The following PRDX5 variants were observed in gnomAD, a reference collection of about 807,000 sequenced individuals.
PRDX5 encodes the protein peroxiredoxin 5.
PRDX5 carries 21 observed loss-of-function variants against 23.8 expected under a neutral mutation model. The observed-to-expected ratio is 0.88, with a 90% CI of 0.63 to 1.27. The LOEUF (loss-of-function observed/expected upper bound fraction) is 1.27. Among genes scored for constraint, PRDX5 ranks in the 50% most tolerant of loss-of-function variants. The pLI, the probability that PRDX5 is intolerant of heterozygous loss-of-function variation, is 0.00. For synonymous variants in PRDX5, 111 were observed against 113.3 expected, an observed-to-expected ratio of 0.98 and a Z score of 0.13; for missense variants, 261 against 270.6, an observed-to-expected ratio of 0.96 and a Z score of 0.25.
chr11:64,318,564 C>T (rs1407403343), intron 1 of PRDX5, among the ~76,000 whole-genome samples, 178 bp downstream of exon 1: 1 of 152,112 alleles, frequency 6.6e-6, no homozygotes, highest in African/African-American at 2.4e-5. Context: ...TCGTGGGGGC[C>T]TCACCTCCCG....
chr11:64,319,700 C>T, intron 1 of PRDX5, 34 bp from the exon 2 acceptor site: 1 of 1,598,734 alleles, frequency 6.3e-7, no homozygotes, highest in Non-Finnish European at 8.5e-7. Flanking sequence ...CCCCGGCTCC[C>T]TCACCCCCCT....
chr11:64,319,468 C>T (rs1430847908), intron 1 of PRDX5, among the ~76,000 whole-genome samples: 1 of 152,212 alleles, frequency 6.6e-6, no homozygotes, highest in African/African-American at 2.4e-5. Flanking sequence ...CAACCCTTTG[C>T]GACACATGGG....
Position 64,320,809 on chromosome 11 carries a change from G to T in PRDX5, c.438+17G>T. The T allele has an allele frequency of 2.5e-6, 4 of 1,614,210 alleles. No individual in the cohort carries two copies. Among genetic ancestry groups the T allele is most frequent in the Non-Finnish European group, 3.4e-6 (4 of 1,180,032 alleles). On this transcript the variant is annotated intron_variant, in intron 3 of 5. Coordinates refer to ENST00000265462, the MANE Select transcript of PRDX5 (RefSeq NM_012094.5). ...GAAGGCAAGGTGAGGTGAGGGGCCT[G>T]CAGGGAGTCAGGACCAGGTAGGATA...
At position 64,318,229 on chromosome 11, in the gene PRDX5, G is replaced by A. The variant is rs754924766; in HGVS notation, c.14G>A (p.Gly5Asp). 1.2e-6 allele frequency: 2 copies of A among 1,611,696 alleles called. No homozygotes were observed. The highest frequency in any genetic ancestry group is 1.3e-5 in the African/African-American group (1 of 74,878). Residue 5 changes from glycine to aspartate, a missense_variant, in exon 1 of 6, where the codon GGC (glycine) becomes GAC (aspartate). Gly to Asp is a moderately conservative substitution (Grantham distance 94). Coordinates refer to ENST00000265462, the MANE Select transcript of PRDX5 (RefSeq NM_012094.5). Reference sequence around the variant, plus strand: ...CGTGGGGCGGGTATGGGACTAGCTGGCGTGTGCGCCCTGAGACGCTCAGCG... The same window carrying A: ...CGTGGGGCGGGTATGGGACTAGCTGACGTGTGCGCCCTGAGACGCTCAGCG... Reference protein sequence around the residue: MGLAGVCALRRSAGY... With the variant: MGLADVCALRRSAGY...
At position 64,321,683 on chromosome 11, in the gene PRDX5, C is replaced by T. The variant is rs1302477041; in HGVS notation, c.637C>T (p.Gln213Ter). The T allele has an allele frequency of 6.3e-7, 1 of 1,578,218 alleles. No homozygotes were observed. The highest frequency in any genetic ancestry group is 1.8e-5 in the Admixed American group (1 of 54,088). ...TCSLAPNIIS[Q>*]L ...CAGCCTGGCACCCAATATCATCTCACAGCTCTGAGGCCCTGGGCCAGATTA... is the reference window on the plus strand; with the variant it reads ...CAGCCTGGCACCCAATATCATCTCATAGCTCTGAGGCCCTGGGCCAGATTA... Residue 213 changes from glutamine to a stop codon, truncating the protein, a stop_gained, in exon 6 of 6, where the codon CAG becomes TAG. Coordinates refer to ENST00000265462, the MANE Select transcript of PRDX5 (RefSeq NM_012094.5). LOFTEE classifies it high-confidence loss of function.
chr11:64,319,681 T>C, intron 1 of PRDX5, 53 bp from the exon 2 acceptor site: 4 of 1,570,220 alleles, frequency 2.5e-6, no homozygotes, highest in Non-Finnish European at 3.5e-6. Flanking sequence ...CCTTCCTGCC[T>C]CTGGTTTGCC....
chr11:64,320,876 G>C lies in PRDX5; in HGVS notation c.450G>C (p.Leu150=), dbSNP rs773923432. 6.2e-7 allele frequency: 1 copy of C among 1,614,222 alleles called. No homozygotes were observed. The highest frequency in any genetic ancestry group is 1.1e-5 in the South Asian group (1 of 91,082). ...TACTTTCTCTGCAGGTTCGGCTCCTGGCTGATCCCACTGGGGCCTTTGGGA... is the reference window on the plus strand; with the variant it reads ...TACTTTCTCTGCAGGTTCGGCTCCTCGCTGATCCCACTGGGGCCTTTGGGA... ...AHKAEGKVRL[L]ADPTGAFGKE... is the part of the protein sequence containing the mutation. The change falls in exon 4 of 6, where the codon CTG becomes CTC. Residue 150 remains leucine (L), a synonymous_variant. Transcript: ENST00000265462.
At chr11:64,320,536 T>C in intron 2 of PRDX5, 125 bp from the exon 3 acceptor site, 1 of 1,385,530 alleles carries the variant, frequency 7.2e-7, no homozygotes, top group Non-Finnish European at 9.7e-7. Flanking sequence ...TAGAATGGTT[T>C]AGACAGCTCT....
In PRDX5 at chr11:64,318,230, C is replaced by G. The variant is rs202108463; in HGVS notation, c.15C>G (p.Gly5=). Residue 5 remains glycine, a synonymous_variant, in exon 1 of 6, where the codon GGC becomes GGG. Coordinates refer to ENST00000265462, the MANE Select transcript of PRDX5 (RefSeq NM_012094.5). ...GTGGGGCGGGTATGGGACTAGCTGG[C>G]GTGTGCGCCCTGAGACGCTCAGCGG... MGLA[G]VCALRRSAGY... 1.7e-5 allele frequency: 28 copies of G among 1,611,746 alleles called. 1 individual carries two copies. In the Admixed American group the frequency reaches 3.5e-4, roughly 20 times the overall value.
chr11:64,321,415 C>T, intron 5 of PRDX5, among the ~76,000 whole-genome samples, 171 bp from the exon 6 acceptor site: 1 of 144,796 alleles, frequency 6.9e-6, no homozygotes, highest in Non-Finnish European at 1.5e-5. Flanking sequence ...TGGGGAGAGT[C>T]CTCTGTGTGG....
rs761493610 is a variant in PRDX5 at position 64,321,071 on chromosome 11, A to G, written c.539+3A>G. 2.5e-6 allele frequency: 4 copies of G among 1,612,738 alleles called. No homozygotes were observed. Among genetic ancestry groups the G allele is most frequent in the Non-Finnish European group, 3.4e-6 (4 of 1,179,222 alleles). Reference sequence around the variant, plus strand: ...TTTGGGAATCGACGTCTCAAGAGGTAAAAGTGGAGAGTCCTCTGTGGAGAG... The same window carrying G: ...TTTGGGAATCGACGTCTCAAGAGGTGAAAGTGGAGAGTCCTCTGTGGAGAG... On this transcript the variant is annotated splice_donor_region_variant and intron_variant, in intron 5 of 5. Transcript: ENST00000265462.
intron 5 of PRDX5, among the ~76,000 whole-genome samples, chr11:64,321,290 GGGAGAGTCCTCTGTGT>G (rs1426567973): frequency 6.6e-6 from 1 of 151,210 alleles, no homozygotes; most frequent in Admixed American, 6.6e-5. Context: ...GTCCTCTGTG[GGGAGAGTCCTCTGTGT>G]GGAGAGAGTC....
chr11:64,321,497 T>C, intron 5 of PRDX5, 89 bp from the exon 6 acceptor site: 1 of 1,552,144 alleles, frequency 6.4e-7, no homozygotes, highest in Non-Finnish European at 8.7e-7. Context: ...TCTGGAGTTC[T>C]CTTGGGCCCC....
At chr11:64,319,651 G>A in intron 1 of PRDX5, 83 bp from the exon 2 acceptor site, 1 of 1,500,868 alleles carries the variant, frequency 6.7e-7, no homozygotes. Flanking sequence ...TGCAGGCACA[G>A]CTGCCAGGCT....
At position 64,318,138 on chromosome 11, in the gene PRDX5, C is replaced by G. The variant is rs1016607893; in HGVS notation, c.-78C>G. The stretch of plus-strand genomic sequence containing the variant: ...AGGCCCGCCTTCCGCAGGGTGTCGC[C>G]GCTGTGCCGCTAGCGGTGCCCCGCC... On this transcript the variant is annotated 5_prime_UTR_variant, in exon 1 of 6. Transcript: ENST00000265462. 2 of 1,580,358 alleles carry G rather than the reference C, an allele frequency of 1.3e-6. No homozygotes were observed. Among genetic ancestry groups the G allele is most frequent in the Non-Finnish European group, 1.7e-6 (2 of 1,166,036 alleles).
chr11:64,320,623 A>G (rs754653450), intron 2 of PRDX5, 38 bp from the exon 3 acceptor site: 3 of 1,553,826 alleles, frequency 1.9e-6, no homozygotes, highest in East Asian at 4.5e-5. Flanking sequence ...GGTCAGATGC[A>G]GTTATCCCTT....
intron 2 of PRDX5, among the ~76,000 whole-genome samples, chr11:64,320,233 C>G (rs1034685610): frequency 6.6e-6 from 1 of 151,158 alleles, no homozygotes; most frequent in Non-Finnish European, 1.5e-5. Context: ...GAGTGGAGAT[C>G]GTGCCTCTGC....
rs1391981501 is a variant in PRDX5 at position 64,318,149 on chromosome 11, T to C, written c.-67T>C. 1.3e-6 allele frequency: 2 copies of C among 1,596,184 alleles called. No homozygotes were observed. The highest frequency in any genetic ancestry group is 2.7e-5 in the African/African-American group (2 of 74,256). The stretch of plus-strand genomic sequence containing the variant: ...CCGCAGGGTGTCGCCGCTGTGCCGC[T>C]AGCGGTGCCCCGCCTGCTGCGGTGG... On this transcript the variant is annotated 5_prime_UTR_variant, in exon 1 of 6. Coordinates refer to ENST00000265462, the MANE Select transcript of PRDX5 (RefSeq NM_012094.5).
intron 2 of PRDX5, among the ~76,000 whole-genome samples, chr11:64,320,271 T>C (rs1262016683): frequency 1.4e-5 from 2 of 146,214 alleles, no homozygotes; most frequent in Non-Finnish European, 1.5e-5. Context: ...AGAGCGAGAC[T>C]CCGTCTCAAA....
Sources: allele counts gnomAD v4.1 joint callset (sites outside exome capture counted in the v4.1 genomes callset), GRCh38; gene constraint gnomAD v4.1.1; transcripts MANE v1.5; gene names NCBI Gene and HGNC (gene_info 2026-07-23, HGNC 2026-07-21).